Variants in CRLS1 observed in about 807,000 individuals in gnomAD.
CRLS1 encodes cardiolipin synthase (CMP-forming).
Under a neutral mutation model 37.0 loss-of-function variants are expected in CRLS1, and 24 were observed. That is an observed-to-expected ratio of 0.65 (90% confidence interval 0.47 to 0.91). The LOEUF is 0.91. Among genes scored for constraint, CRLS1 ranks in the 40% least tolerant of loss-of-function variants. The probability of loss-of-function intolerance (pLI) is 0.00; values close to 1 mark genes in which losing one functional copy is unlikely to be tolerated. For synonymous variants in CRLS1, 135 were observed against 159.7 expected (o/e 0.85, Z 1.17); for missense variants, 373 against 395.8 (o/e 0.94, Z 0.49).
chr20:6,016,454 G>GTGTGT (rs1555793595), intron 3 of CRLS1, among the ~76,000 whole-genome samples: 4 of 114,610 alleles, frequency 3.5e-5, no homozygotes, highest in African/African-American at 1.2e-4. Flanking sequence ...GGGGAATGGG[G>GTGTGT]GTGTGTGTGT....
chr20:6,036,911 G>A lies in CRLS1; in HGVS notation c.822-163G>A, dbSNP rs569193782. Among the ~76,000 whole-genome samples, 3 of 152,260 alleles carry A rather than the reference G, an allele frequency of 2.0e-5. No homozygotes were observed. The East Asian group carries it at 5.8e-4, about 29-fold the overall frequency. ...AAATGAACTCTTAAAGAAAAGCAGT[G>A]TATTTAGACTCTTGTAGTTAAGAAA... On this transcript the variant is annotated intron_variant, in intron 6 of 6. Transcript: ENST00000378863.
rs1292057073 is a variant in CRLS1 at position 6,038,415 on chromosome 20, T to C, written c.*1257T>C. 6.6e-6 allele frequency: 1 copy of C among 152,308 alleles called. No homozygotes were observed. Among genetic ancestry groups the C allele is most frequent in the East Asian group, 1.9e-4 (1 of 5,204 alleles). 9.4% of individuals were successfully genotyped at this position (152,308 alleles called of 1,614,324 possible). A position where few individuals can be genotyped will look rare whatever the true frequency, so the allele number is the denominator to read the frequency against. ...GGAGGCTGTAAGTAAAACTCATGCCTCTTGGCCAGGCATTCTGCACCAGCG... is the reference window on the plus strand; with the variant it reads ...GGAGGCTGTAAGTAAAACTCATGCCCCTTGGCCAGGCATTCTGCACCAGCG... On this transcript the variant is annotated 3_prime_UTR_variant, in exon 7 of 7. Transcript: ENST00000378863.
At chr20:6,018,272 A>G (rs1978928492) in intron 3 of CRLS1, among the ~76,000 whole-genome samples, 1 of 152,188 alleles carries the variant, frequency 6.6e-6, no homozygotes, top group East Asian at 1.9e-4. Flanking sequence ...ATATGAAAAA[A>G]TCAGTACTGT....
rs34621758 is a variant in CRLS1 at position 6,022,335 on chromosome 20, C to CTTT, written c.574+6863_574+6865dup. On this transcript the variant is annotated intron_variant, in intron 3 of 6. Coordinates refer to ENST00000378863, the MANE Select transcript of CRLS1 (RefSeq NM_019095.6). ...TAAGAAATCAGCTGTTAATCCATTG[C>CTTT]TTTTTTTTTTTTTTTTTTTTCAAGA... 5.6e-3 allele frequency among the ~76,000 whole-genome samples: 532 copies of CTTT among 94,688 alleles called. 5 individuals carry two copies. The highest frequency in any genetic ancestry group is 0.021 in the African/African-American group (509 of 23,710). The allele number at this position is 94,688 out of a possible 152,430, so 62.1% of individuals were successfully genotyped here.
At chr20:6,008,711 G>A (rs989529847) in intron 1 of CRLS1, among the ~76,000 whole-genome samples, 1 of 152,166 alleles carries the variant, frequency 6.6e-6, no homozygotes, top group Admixed American at 6.5e-5. Context: ...TGAGGTTATA[G>A]AATTAAATCT....
At chr20:6,024,828 T>A (rs1010164098) in intron 3 of CRLS1, among the ~76,000 whole-genome samples, 2 of 152,222 alleles carry the variant, frequency 1.3e-5, no homozygotes, top group African/African-American at 4.8e-5. Context: ...ATGGTCTGAA[T>A]AGAAGATCAC....
At chr20:6,010,890 G>A (rs968117710) in intron 2 of CRLS1, among the ~76,000 whole-genome samples, 5 of 152,206 alleles carry the variant, frequency 3.3e-5, no homozygotes, top group African/African-American at 7.2e-5. Context: ...GGTGGCATAC[G>A]CCTGCAGTCC....
At chr20:6,036,599 T>G (rs1348446293) in intron 6 of CRLS1, among the ~76,000 whole-genome samples, 5 of 152,212 alleles carry the variant, frequency 3.3e-5, no homozygotes, top group African/African-American at 9.6e-5. Context: ...GCATGTGGGC[T>G]TTAGAGTTCA....
intron 2 of CRLS1, among the ~76,000 whole-genome samples, chr20:6,013,036 A>G (rs547204949): frequency 6.6e-6 from 1 of 152,256 alleles, no homozygotes; most frequent in African/African-American, 2.4e-5. Context: ...TGGTAATGAC[A>G]TTGGACGTTC....
chr20:6,030,296 C>T (rs1197009501), intron 3 of CRLS1, among the ~76,000 whole-genome samples: 1 of 151,918 alleles, frequency 6.6e-6, no homozygotes, highest in East Asian at 1.9e-4. Context: ...TTAAAATATC[C>T]TTCTATTGGC....
intron 3 of CRLS1, among the ~76,000 whole-genome samples, chr20:6,030,177 T>C (rs529413844): frequency 6.6e-6 from 1 of 152,146 alleles, no homozygotes; most frequent in East Asian, 1.9e-4. Context: ...ATAAAAGATA[T>C]GTTCACAGTT....
chr20:6,018,743 C>T (rs1392483534), intron 3 of CRLS1, among the ~76,000 whole-genome samples: 2 of 152,160 alleles, frequency 1.3e-5, no homozygotes, highest in Non-Finnish European at 2.9e-5. Flanking sequence ...TAAGCCACCA[C>T]CCCTGGCCTG....
chr20:6,008,656 C>T (rs1173917817), intron 1 of CRLS1, among the ~76,000 whole-genome samples: 1 of 152,192 alleles, frequency 6.6e-6, no homozygotes, highest in African/African-American at 2.4e-5. Flanking sequence ...ATCACAATCC[C>T]TATTCCTATC....
chr20:6,010,538 A>G (rs2090119454), intron 2 of CRLS1, among the ~76,000 whole-genome samples: 2 of 152,362 alleles, frequency 1.3e-5, no homozygotes, highest in South Asian at 4.1e-4. Flanking sequence ...CTCCCTCAGC[A>G]GATGGACAAA....
At position 6,007,251 on chromosome 20, in the gene CRLS1, C is replaced by T. The variant is rs2090070303; in HGVS notation, c.306+699C>T. 2.6e-6 allele frequency: 4 copies of T among 1,521,860 alleles called. No homozygotes were observed. The Admixed American group carries it at 6.5e-5, about 25-fold the overall frequency. 94.3% of individuals were successfully genotyped at this position (1,521,860 alleles called of 1,614,324 possible). On this transcript the variant is annotated intron_variant, in intron 1 of 6. Transcript: ENST00000378863. ...TCAGTGGCCCCTGTACTGCTTTCAT[C>T]AGTTGTACAGCATGGGTTGAGGTGG...
intron 2 of CRLS1, among the ~76,000 whole-genome samples, chr20:6,012,370 C>A (rs1032222206): frequency 6.6e-6 from 1 of 152,070 alleles, no homozygotes; most frequent in African/African-American, 2.4e-5. Flanking sequence ...AGGGGCTGGC[C>A]GTGTTCCATG....
At chr20:6,009,693 T>C in intron 1 of CRLS1, 82 bp from the exon 2 acceptor site, 2 of 1,093,844 alleles carry the variant, frequency 1.8e-6, no homozygotes, top group Non-Finnish European at 2.5e-6. Flanking sequence ...TGATGAAGTA[T>C]ATTTTTCTAA....
Position 6,016,054 on chromosome 20 carries a change from G to A in CRLS1, c.574+564G>A, listed in dbSNP as rs190395090. On this transcript the variant is annotated intron_variant, in intron 3 of 6. Coordinates refer to ENST00000378863, the MANE Select transcript of CRLS1 (RefSeq NM_019095.6). ...TGATTGTTCATTTTCTTCTTCAGTC[G>A]TATTTCTCAGTTTTTCTCCCTCAGA... is the stretch of plus-strand genomic sequence containing the variant. The A allele has an allele frequency of 3.2e-3, 500 of 155,576 alleles. 1 individual carries two copies. The highest frequency in any genetic ancestry group is 5.0e-3 in the Non-Finnish European group (350 of 70,662). 9.6% of individuals were successfully genotyped at this position (155,576 alleles called of 1,614,324 possible). A position where few individuals can be genotyped will look rare whatever the true frequency, so the allele number is the denominator to read the frequency against.
chr20:6,033,139 AT>A (rs1980302980), intron 5 of CRLS1, among the ~76,000 whole-genome samples: 1 of 149,916 alleles, frequency 6.7e-6, no homozygotes, highest in Non-Finnish European at 1.5e-5. Flanking sequence ...TTATTTTATT[AT>A]TTTTTATAGA....
Sources: gnomAD v4.1 joint callset for allele counts (sites outside exome capture counted in the v4.1 genomes callset) on GRCh38, gnomAD v4.1.1 for gene constraint, MANE v1.5 for transcripts, NCBI Gene and HGNC (gene_info 2026-07-23, HGNC 2026-07-21) for gene names.